The following PTPN4 variants were observed in gnomAD, a reference collection of about 807,000 sequenced individuals.
PTPN4 encodes the protein protein tyrosine phosphatase non-receptor type 4.
PTPN4 carries 49 observed loss-of-function variants against 135.5 expected under a neutral mutation model. The observed-to-expected ratio is 0.36, with a 90% CI of 0.29 to 0.46. The LOEUF (loss-of-function observed/expected upper bound fraction) is 0.46. Ranked by LOEUF, PTPN4 falls within the 20% of genes least tolerant of loss-of-function variation. The pLI is 1.00. For missense variants in PTPN4, 860 were observed against 1,101.0 expected (o/e 0.78, Z 3.10); for synonymous variants, 333 against 369.9 (o/e 0.90, Z 1.14).
At chr2:119,805,486 T>A (rs1691451575) in intron 1 of PTPN4, among the ~76,000 whole-genome samples, 1 of 152,176 alleles carries the variant, frequency 6.6e-6, no homozygotes, top group African/African-American at 2.4e-5. Flanking sequence ...AAGGAAGGGA[T>A]CCAGTTTCAG....
At chr2:119,893,981 C>T (rs1183180591) in intron 9 of PTPN4, among the ~76,000 whole-genome samples, 1 of 151,938 alleles carries the variant, frequency 6.6e-6, no homozygotes, top group Non-Finnish European at 1.5e-5. Flanking sequence ...TAAGAGGAAA[C>T]ACCTATATAG....
chr2:119,895,720 G>C (rs953640964), intron 9 of PTPN4, among the ~76,000 whole-genome samples: 1 of 152,122 alleles, frequency 6.6e-6, no homozygotes, highest in East Asian at 1.9e-4. Flanking sequence ...AGGAGATCGA[G>C]ACCATCCTGG....
At chr2:119,897,350 A>G (rs1487353282) in intron 9 of PTPN4, among the ~76,000 whole-genome samples, 2 of 152,112 alleles carry the variant, frequency 1.3e-5, no homozygotes, top group Non-Finnish European at 2.9e-5. Flanking sequence ...AGCCCTTTTA[A>G]TGGAAAATGA....
At chr2:119,787,968 A>G (rs551462789) in intron 1 of PTPN4, among the ~76,000 whole-genome samples, 4 of 152,300 alleles carry the variant, frequency 2.6e-5, no homozygotes, top group East Asian at 3.9e-4. Context: ...TGCCCCTAGG[A>G]GTAGGGCAGT....
At chr2:119,860,863 A>G (rs2104986748) in intron 2 of PTPN4, among the ~76,000 whole-genome samples, 1 of 152,218 alleles carries the variant, frequency 6.6e-6, no homozygotes, top group South Asian at 2.1e-4. Flanking sequence ...CAATATGATG[A>G]AACTCTGGCT....
At chr2:119,766,455 T>TAC (rs1558718900) in intron 1 of PTPN4, among the ~76,000 whole-genome samples, 67 of 135,608 alleles carry the variant, frequency 4.9e-4, no homozygotes, top group African/African-American at 1.8e-3. Context: ...CGCGCGTGTG[T>TAC]GTGTGTGTGT....
intron 1 of PTPN4, among the ~76,000 whole-genome samples, chr2:119,806,663 A>T (rs1397556037): frequency 1.3e-5 from 2 of 152,218 alleles, no homozygotes; most frequent in African/African-American, 4.8e-5. Flanking sequence ...CATTAGACAG[A>T]TCAGCGAGGC....
In PTPN4 at chr2:119,858,168, T is replaced by C. The variant is rs180997941; in HGVS notation, c.139-4368T>C. On this transcript the variant is annotated intron_variant, in intron 2 of 26. Coordinates refer to ENST00000263708, the MANE Select transcript of PTPN4 (RefSeq NM_002830.4). ...GCTGTGTATACAGGCTGCAGAACCATGAGCCAATTAAACTCCTTTTCTTTA... is the reference window on the plus strand; with the variant it reads ...GCTGTGTATACAGGCTGCAGAACCACGAGCCAATTAAACTCCTTTTCTTTA... Among the ~76,000 whole-genome samples the C allele has an allele frequency of 7.6e-3, 1,151 of 152,304 alleles. 37 individuals are homozygous for C. Among genetic ancestry groups the C allele is most frequent in the Admixed American group, 0.059 (906 of 15,296 alleles).
intron 26 of PTPN4, among the ~76,000 whole-genome samples, chr2:119,969,213 A>G (rs569527173): frequency 2.8e-4 from 42 of 152,088 alleles, no homozygotes; most frequent in East Asian, 1.6e-3. Flanking sequence ...GGATCTCACT[A>G]TGTTGCTTAG....
chr2:119,939,816 G>T (rs1679036269), intron 15 of PTPN4, among the ~76,000 whole-genome samples: 1 of 152,008 alleles, frequency 6.6e-6, no homozygotes, highest in East Asian at 1.9e-4. Flanking sequence ...TTCCAGTCTT[G>T]ATCAAGTCTA....
intron 9 of PTPN4, among the ~76,000 whole-genome samples, chr2:119,898,490 A>G (rs1678356597): frequency 1.3e-5 from 2 of 152,168 alleles, no homozygotes; most frequent in Non-Finnish European, 2.9e-5. Context: ...ACAGACAATA[A>G]TAGGGAGCCA....
At chr2:119,839,560 G>A (rs561720531) in intron 2 of PTPN4, among the ~76,000 whole-genome samples, 1 of 152,060 alleles carries the variant, frequency 6.6e-6, no homozygotes, top group Non-Finnish European at 1.5e-5. Context: ...ACTTTTTTTG[G>A]TTAGTTTACA....
At chr2:119,864,798 G>A (rs1488011649) in intron 3 of PTPN4, among the ~76,000 whole-genome samples, 1 of 152,112 alleles carries the variant, frequency 6.6e-6, no homozygotes, top group East Asian at 1.9e-4. Context: ...TCTTTTTGCT[G>A]TCTCCTACTT....
chr2:119,905,174 G>C (rs1299205517), intron 10 of PTPN4, among the ~76,000 whole-genome samples: 1 of 152,128 alleles, frequency 6.6e-6, no homozygotes, highest in East Asian at 1.9e-4. Context: ...TATGGTTTAA[G>C]TTCCCGTTAA....
intron 1 of PTPN4, among the ~76,000 whole-genome samples, chr2:119,786,180 G>A (rs1388136322): frequency 1.3e-5 from 2 of 152,136 alleles, no homozygotes; most frequent in Non-Finnish European, 2.9e-5. Flanking sequence ...CAGTAAATGA[G>A]AGTGAGTATT....
In PTPN4 at chr2:119,921,160, G is replaced by A. The variant is rs577881656; in HGVS notation, c.1001+919G>A. Reference sequence around the variant, plus strand: ...AAATTAGCTGGCTGTGGTGGTGGGCGCTTGTAATCCCAGCTACTTGGGAGG... The same window carrying A: ...AAATTAGCTGGCTGTGGTGGTGGGCACTTGTAATCCCAGCTACTTGGGAGG... On this transcript the variant is annotated intron_variant, in intron 12 of 26. Coordinates refer to ENST00000263708, the MANE Select transcript of PTPN4 (RefSeq NM_002830.4). 1.0e-3 allele frequency among the ~76,000 whole-genome samples: 154 copies of A among 152,036 alleles called. 1 individual carries two copies. The highest frequency in any genetic ancestry group is 3.6e-3 in the African/African-American group (149 of 41,484).
At chr2:119,812,131 G>A (rs536157510) in intron 2 of PTPN4, among the ~76,000 whole-genome samples, 1 of 152,114 alleles carries the variant, frequency 6.6e-6, no homozygotes. Context: ...GAGTTGCTTT[G>A]TACTTTTAGG....
chr2:119,885,109 A>G (rs962566203), intron 8 of PTPN4, among the ~76,000 whole-genome samples: 5 of 152,176 alleles, frequency 3.3e-5, no homozygotes, highest in African/African-American at 1.2e-4. Context: ...ACTCTACAGA[A>G]TAGTCTTCTT....
At chr2:119,962,775 C>T (rs774869678) in intron 24 of PTPN4, 31 bp downstream of exon 24, 6 of 1,482,442 alleles carry the variant, frequency 4.0e-6, no homozygotes, top group Non-Finnish European at 5.5e-6. Flanking sequence ...TTCATTAGAA[C>T]TGTTGTGTTC....
Sources: gnomAD v4.1 joint callset for allele counts (sites outside exome capture counted in the v4.1 genomes callset) on GRCh38, gnomAD v4.1.1 for gene constraint, MANE v1.5 for transcripts, NCBI Gene and HGNC (gene_info 2026-07-23, HGNC 2026-07-21) for gene names.